NBEA: variants seen among roughly 807,000 people sequenced by gnomAD.
NBEA encodes the protein lysosomal-trafficking regulator 2.
In NBEA, 44 loss-of-function variants were observed where a neutral mutation model predicts 343.4. The ratio of observed to expected loss-of-function variants is 0.13; its 90% CI spans 0.10 to 0.16. The LOEUF is 0.16. Ranked by LOEUF, NBEA falls within the 10% of genes least tolerant of loss-of-function variation. NBEA has a pLI of 1.00. For synonymous variants in NBEA, 1,175 were observed against 1,238.7 expected, an observed-to-expected ratio of 0.95 and a Z score of 1.08; for missense variants, 2,555 against 3,631.3, an observed-to-expected ratio of 0.70 and a Z score of 7.62.
At chr13:35,217,861 A>G (rs2152758743) in intron 33 of NBEA, among the ~76,000 whole-genome samples, 1 of 152,194 alleles carries the variant, frequency 6.6e-6, no homozygotes, top group African/African-American at 2.4e-5. Flanking sequence ...TTCTTTTCAA[A>G]AAATTATTCT....
At chr13:35,662,524 A>T (rs1482369110) in intron 55 of NBEA, among the ~76,000 whole-genome samples, 1 of 152,230 alleles carries the variant, frequency 6.6e-6, no homozygotes, top group African/African-American at 2.4e-5. Flanking sequence ...CCGCCGCTGC[A>T]GGTTTCCCAA....
chr13:35,141,469 A>G (rs769274591), intron 17 of NBEA, among the ~76,000 whole-genome samples: 28 of 152,000 alleles, frequency 1.8e-4, no homozygotes, highest in Non-Finnish European at 4.1e-4. Context: ...GTTTCACCAC[A>G]TTGGCCAGGC....
chr13:35,169,862 T>A (rs755900708), intron 25 of NBEA, among the ~76,000 whole-genome samples: 6 of 151,782 alleles, frequency 4.0e-5, no homozygotes, highest in Non-Finnish European at 5.9e-5. Context: ...TGCTAAGAAG[T>A]AAAGAATCTG....
chr13:35,558,451 G>A (rs2079689385), intron 44 of NBEA, among the ~76,000 whole-genome samples: 1 of 152,164 alleles, frequency 6.6e-6, no homozygotes, highest in Non-Finnish European at 1.5e-5. Flanking sequence ...AAAGTAGGCA[G>A]AGGGCATTCC....
intron 34 of NBEA, among the ~76,000 whole-genome samples, chr13:35,241,260 C>T (rs928411468): frequency 7.2e-5 from 11 of 151,730 alleles, no homozygotes; most frequent in African/African-American, 2.7e-4. Context: ...GAATAAATCT[C>T]CAAGAACAGA....
At chr13:35,378,700 T>C (rs913978511) in intron 38 of NBEA, among the ~76,000 whole-genome samples, 1 of 151,904 alleles carries the variant, frequency 6.6e-6, no homozygotes, top group African/African-American at 2.4e-5. Context: ...ATGTCATAAT[T>C]GAACAGCTCC....
intron 49 of NBEA, among the ~76,000 whole-genome samples, chr13:35,636,259 A>G (rs2083686181): frequency 6.6e-6 from 1 of 152,194 alleles, no homozygotes; most frequent in Admixed American, 6.5e-5. Context: ...AGATATTTAG[A>G]ACTCATTTTT....
chr13:35,111,888 G>A (rs184680784), intron 13 of NBEA, among the ~76,000 whole-genome samples: 19 of 146,172 alleles, frequency 1.3e-4, no homozygotes, highest in African/African-American at 4.5e-4. Context: ...TAATAATCCC[G>A]TTGATAAGGA....
intron 38 of NBEA, among the ~76,000 whole-genome samples, chr13:35,432,038 T>C (rs145217427): frequency 6.6e-6 from 1 of 152,180 alleles, no homozygotes; most frequent in Non-Finnish European, 1.5e-5. Flanking sequence ...AGCTGAGTGG[T>C]ATAATACCTG....
chr13:35,179,728 T>A (rs1285613898), intron 28 of NBEA: 2 of 969,250 alleles, frequency 2.1e-6, no homozygotes, highest in African/African-American at 3.5e-5. Context: ...GAGTTTCTAG[T>A]GTTAGAAATA....
chr13:35,561,137 C>A (rs2079839607), intron 44 of NBEA, among the ~76,000 whole-genome samples: 1 of 152,176 alleles, frequency 6.6e-6, no homozygotes. Flanking sequence ...CAGTATCACA[C>A]ATGATGACTC....
At chr13:35,661,491 C>T (rs530486433) in intron 55 of NBEA, among the ~76,000 whole-genome samples, 2 of 152,068 alleles carry the variant, frequency 1.3e-5, no homozygotes, top group East Asian at 1.9e-4. Context: ...GAAATGAAAC[C>T]ACATCATGGG....
At chr13:35,489,919 T>C (rs1217253615) in intron 41 of NBEA, among the ~76,000 whole-genome samples, 1 of 151,942 alleles carries the variant, frequency 6.6e-6, no homozygotes. Flanking sequence ...GCTTTCATGT[T>C]CCAAAGCTGT....
At chr13:35,154,741 G>GT (rs569252720) in intron 18 of NBEA, among the ~76,000 whole-genome samples, 26 of 152,056 alleles carry the variant, frequency 1.7e-4, no homozygotes, top group African/African-American at 5.5e-4. Flanking sequence ...TTGGTCAACT[G>GT]TTTTTTTGTA....
intron 41 of NBEA, among the ~76,000 whole-genome samples, chr13:35,518,655 G>A (rs892294081): frequency 1.3e-5 from 2 of 152,162 alleles, no homozygotes; most frequent in Non-Finnish European, 2.9e-5. Context: ...CATACCCCCT[G>A]CAGTTTTATA....
At chr13:34,973,440 C>T (rs529879526) in intron 1 of NBEA, among the ~76,000 whole-genome samples, 43 of 152,210 alleles carry the variant, frequency 2.8e-4, no homozygotes, top group Non-Finnish European at 5.6e-4. Flanking sequence ...GCCCCTCCCT[C>T]TGGGAGCTCT....
Position 35,393,870 on chromosome 13 carries a change from TATTCTCTAATTAGAA to T in NBEA, c.6180-38398_6180-38384del, listed in dbSNP as rs1218355792. On this transcript the variant is annotated intron_variant, in intron 38 of 58. Transcript: ENST00000379939. ...AAGTTATGTACCTTATTAGAGAAGTTATTCTCTAATTAGAAGTTATTCTCTAATAGGCTTATTTTC... is the reference window on the plus strand; with the variant it reads ...AAGTTATGTACCTTATTAGAGAAGTTGTTATTCTCTAATAGGCTTATTTTC... Among the ~76,000 whole-genome samples the T allele has an allele frequency of 6.6e-5, 10 of 152,134 alleles. No homozygotes were observed. The South Asian group carries it at 1.9e-3, about 28-fold the overall frequency.
Position 35,249,151 on chromosome 13 carries a change from C to CAAAAAAAAAAAAAAAAAAAAAAAAAAA in NBEA, c.5776+16553_5776+16554insAAAAAAAAAAAAAAAAAAAAAAAAAAA, listed in dbSNP as rs1179922550. Among the ~76,000 whole-genome samples the CAAAAAAAAAAAAAAAAAAAAAAAAAAA allele has an allele frequency of 4.0e-5, 2 of 49,710 alleles. 1 individual carries two copies. Among genetic ancestry groups the CAAAAAAAAAAAAAAAAAAAAAAAAAAA allele is most frequent in the Non-Finnish European group, 8.3e-5 (2 of 24,048 alleles). 32.6% of individuals were successfully genotyped at this position (49,710 alleles called of 152,430 possible). On this transcript the variant is annotated intron_variant, in intron 34 of 58. Transcript: ENST00000379939. The stretch of plus-strand genomic sequence containing the variant: ...ACAAAAAAAGTGAAACTCCATCTTA[C>CAAAAAAAAAAAAAAAAAAAAAAAAAAA]AAAAAAAAAAAAAAAAAAAAAGCTT...
At chr13:35,567,963 A>T (rs982164305) in intron 45 of NBEA, among the ~76,000 whole-genome samples, 1 of 152,136 alleles carries the variant, frequency 6.6e-6, no homozygotes, top group African/African-American at 2.4e-5. Flanking sequence ...TTGAAGTTCT[A>T]TATTGCACTA....
Sources: allele counts gnomAD v4.1 joint callset (sites outside exome capture counted in the v4.1 genomes callset), GRCh38; gene constraint gnomAD v4.1.1; transcripts MANE v1.5; gene names NCBI Gene and HGNC (gene_info 2026-07-23, HGNC 2026-07-21).